The following PLA2G4E variants were observed in gnomAD, a reference collection of about 807,000 sequenced individuals.
The protein encoded by PLA2G4E is phospholipase A2 group IVE.
PLA2G4E carries 84 observed loss-of-function variants against 109.1 expected under a neutral mutation model. The observed-to-expected ratio is 0.77, with a 90% CI of 0.65 to 0.92. PLA2G4E has a LOEUF of 0.92. PLA2G4E is among the 40% of genes least tolerant of loss of function. The pLI, the probability that PLA2G4E is intolerant of heterozygous loss-of-function variation, is 0.00. For missense variants in PLA2G4E, 1,057 were observed against 1,076.6 expected (o/e 0.98, Z 0.25); for synonymous variants, 469 against 436.1 (o/e 1.08, Z -0.94).
chr15:42,033,126 C>T (rs549378929), intron 1 of PLA2G4E, among the ~76,000 whole-genome samples: 9 of 152,106 alleles, frequency 5.9e-5, no homozygotes, highest in Middle Eastern at 3.4e-3. Flanking sequence ...TACTTGGGAG[C>T]GGACGCTTAT....
At chr15:42,042,032 G>A (rs1889324114) in intron 1 of PLA2G4E, among the ~76,000 whole-genome samples, 1 of 151,762 alleles carries the variant, frequency 6.6e-6, no homozygotes, top group African/African-American at 2.4e-5. Context: ...GAGTGGAGAG[G>A]AATCATTGTA....
At chr15:42,027,334 G>A (rs1167796552) in intron 1 of PLA2G4E, among the ~76,000 whole-genome samples, 1 of 152,140 alleles carries the variant, frequency 6.6e-6, no homozygotes, top group Non-Finnish European at 1.5e-5. Flanking sequence ...GTGGGTATAG[G>A]GAAACAGCAA....
intron 1 of PLA2G4E, among the ~76,000 whole-genome samples, chr15:42,037,117 C>T (rs1256292024): frequency 2.6e-5 from 4 of 152,350 alleles, no homozygotes; most frequent in East Asian, 3.9e-4. Context: ...AGGGCAGCTC[C>T]GTGCTGGCCT....
chr15:42,013,848 C>T, intron 1 of PLA2G4E, 91 bp from the exon 2 acceptor site: 1 of 955,770 alleles, frequency 1.0e-6, no homozygotes, highest in South Asian at 1.5e-5. Context: ...CCTCCTCAGG[C>T]CGGCCCAGTT....
At chr15:42,039,024 A>T (rs1889267749) in intron 1 of PLA2G4E, among the ~76,000 whole-genome samples, 1 of 152,078 alleles carries the variant, frequency 6.6e-6, no homozygotes, top group Non-Finnish European at 1.5e-5. Flanking sequence ...ATTATTAGGG[A>T]TCGTGGGCAT....
chr15:42,001,365 C>G, intron 6 of PLA2G4E, 145 bp from the exon 7 acceptor site: 1 of 751,968 alleles, frequency 1.3e-6, no homozygotes, highest in Non-Finnish European at 2.2e-6. Context: ...ATGTGTTGAC[C>G]ACATTTTCTG....
rs1281461835 is a variant in PLA2G4E, at chr15:42,008,645, T to C, written c.257-780A>G. 5.3e-5 allele frequency among the ~76,000 whole-genome samples: 8 copies of C among 152,336 alleles called. No homozygotes were observed. The East Asian group carries it at 1.5e-3, about 29-fold the overall frequency. On this transcript the variant is annotated intron_variant, in intron 2 of 19. Coordinates refer to ENST00000399518, the Ensembl canonical transcript of PLA2G4E. ...CAGAAGGTCTCCTAAGTCTTCCACC[T>C]GGAGCAACAGAAGGGATAGGGTGAA...
intron 1 of PLA2G4E, among the ~76,000 whole-genome samples, chr15:42,017,126 G>A (rs927921241): frequency 2.0e-5 from 3 of 152,216 alleles, no homozygotes; most frequent in East Asian, 3.8e-4. Context: ...GCAGGAGTCC[G>A]TCCTGAGGGA....
intron 1 of PLA2G4E, among the ~76,000 whole-genome samples, chr15:42,033,166 A>C (rs1889144413): frequency 6.6e-6 from 1 of 152,124 alleles, no homozygotes; most frequent in Non-Finnish European, 1.5e-5. Context: ...TAGGAGGAAG[A>C]AGGCTCCTGA....
chr15:42,010,134 C>CCCCA (rs1555386998), intron 2 of PLA2G4E: 7 of 464,268 alleles, frequency 1.5e-5, no homozygotes, highest in South Asian at 1.3e-4. Context: ...GAACACTGGC[C>CCCCA]CCCCCACCCC....
rs868391087 is a variant in PLA2G4E at position 42,012,065 on chromosome 15, G to T, written c.256+1620C>A. ...GGCTACTGGAGCCACTCCTGCTGGC[G>T]CAGGCTCTGGACACATTGCCCTCCA... On this transcript the variant is annotated intron_variant, in intron 2 of 19. Coordinates refer to ENST00000399518, the Ensembl canonical transcript of PLA2G4E. Among the ~76,000 whole-genome samples, 9 of 152,292 alleles carry T rather than the reference G, an allele frequency of 5.9e-5. No individual in the cohort carries two copies. In the South Asian group the frequency reaches 6.2e-4, roughly 11 times the overall value.
At chr15:42,015,300 G>C (rs934048083) in intron 1 of PLA2G4E, among the ~76,000 whole-genome samples, 1 of 152,176 alleles carries the variant, frequency 6.6e-6, no homozygotes, top group Admixed American at 6.5e-5. Context: ...TACAGCAACA[G>C]AGTGTCGCCG....
At chr15:42,042,029 G>A (rs376370186) in intron 1 of PLA2G4E, among the ~76,000 whole-genome samples, 2 of 151,968 alleles carry the variant, frequency 1.3e-5, no homozygotes, top group African/African-American at 4.8e-5. Context: ...AAGGAGTGGA[G>A]AGGAATCATT....
chr15:41,983,041 C>A (rs1308799329), exon 20 of PLA2G4E: 1 of 152,308 alleles, frequency 6.6e-6, no homozygotes, highest in Non-Finnish European at 1.5e-5. Context: ...AATCCCAGCA[C>A]TTTGGGAGGC....
At chr15:41,997,420 C>T (rs979891780) in intron 10 of PLA2G4E, 161 bp from the exon 11 acceptor site, 5 of 726,290 alleles carry the variant, frequency 6.9e-6, no homozygotes, top group East Asian at 3.1e-5. Context: ...TGGGGCGAAT[C>T]GTGCTGAACT....
intron 1 of PLA2G4E, among the ~76,000 whole-genome samples, chr15:42,016,078 T>C (rs1038154645): frequency 6.6e-5 from 10 of 152,166 alleles, no homozygotes; most frequent in African/African-American, 1.9e-4. Context: ...CATGCGACCC[T>C]GAATGTTCTA....
In PLA2G4E at chr15:42,007,594, C is replaced by T. The variant is rs1438760257; in HGVS notation, c.393+135G>A. On this transcript the variant is annotated intron_variant, in intron 3 of 19. Coordinates refer to ENST00000399518, the Ensembl canonical transcript of PLA2G4E. ...GAAGTAGTGGGTGTGAGTGGGAAGACAGGTTTGTAGGACAAGAAGTAGGCA... is the reference window on the plus strand; with the variant it reads ...GAAGTAGTGGGTGTGAGTGGGAAGATAGGTTTGTAGGACAAGAAGTAGGCA... 8.0e-6 allele frequency: 9 copies of T among 1,128,134 alleles called. No homozygotes were observed. The South Asian group carries it at 1.3e-4, about 16-fold the overall frequency. The allele number at this position is 1,128,134 out of a possible 1,614,324, so 69.9% of individuals were successfully genotyped here. A position where few individuals can be genotyped will look rare whatever the true frequency, so the allele number is the denominator to read the frequency against.
chr15:41,987,100 T>C (rs2068154041), intron 17 of PLA2G4E, 72 bp downstream of exon 17: 6 of 1,466,638 alleles, frequency 4.1e-6, no homozygotes, highest in Non-Finnish European at 4.8e-6. Flanking sequence ...TCTTTATCCA[T>C]GGCAGCCTTG....
chr15:42,032,441 C>T (rs1450780964), intron 1 of PLA2G4E, among the ~76,000 whole-genome samples: 1 of 152,236 alleles, frequency 6.6e-6, no homozygotes. Flanking sequence ...GGGGCATGAG[C>T]AGGAGATGCC....
Sources: gnomAD v4.1 joint callset for allele counts (sites outside exome capture counted in the v4.1 genomes callset) on GRCh38, gnomAD v4.1.1 for gene constraint, MANE v1.5 for transcripts, NCBI Gene and HGNC (gene_info 2026-07-23, HGNC 2026-07-21) for gene names.